The following CNBD1 variants were observed in gnomAD, a reference collection of about 807,000 sequenced individuals.
CNBD1 encodes cyclic nucleotide-binding domain-containing protein 1.
In CNBD1, 71 loss-of-function variants were observed where a neutral mutation model predicts 54.4. That is an observed-to-expected ratio of 1.30 (90% CI 1.08 to 1.59). The LOEUF is 1.59. CNBD1 is among the 40% of genes most tolerant of loss of function. The pLI is 0.00. For synonymous variants in CNBD1, 182 were observed against 170.7 expected, an observed-to-expected ratio of 1.07 and a Z score of -0.51; for missense variants, 659 against 518.0, an observed-to-expected ratio of 1.27 and a Z score of -2.64.
At chr8:87,384,425 GCA>G (rs1334606503), downstream of CNBD1, among the ~76,000 whole-genome samples, 1 of 151,960 alleles carries the variant, frequency 6.6e-6, no homozygotes, top group Non-Finnish European at 1.5e-5. Context: ...TATACTTCAG[GCA>G]GTGGTAAGTG....
At position 87,144,474 on chromosome 8, in the gene CNBD1, C is replaced by T. The variant is rs185324471; in HGVS notation, c.432-61519C>T. 1.9e-3 allele frequency among the ~76,000 whole-genome samples: 287 copies of T among 152,162 alleles called. 1 individual carries two copies. The highest frequency in any genetic ancestry group is 6.8e-3 in the Middle Eastern group (2 of 294). The stretch of plus-strand genomic sequence containing the variant: ...ATAAAGGGATAAAAATAAAATGGAA[C>T]TGATATAATTACAGGAAACAATCAA... On this transcript the variant is annotated intron_variant, in intron 4 of 10. Coordinates refer to ENST00000518476, the MANE Select transcript of CNBD1 (RefSeq NM_173538.3).
chr8:87,074,512 T>A (rs1160338976), intron 4 of CNBD1, among the ~76,000 whole-genome samples: 4 of 152,172 alleles, frequency 2.6e-5, no homozygotes, highest in Non-Finnish European at 5.9e-5. Flanking sequence ...CCTAAGCAAC[T>A]GCTCTGCTGA....
chr8:86,871,278 T>A (rs1290668810), intron 1 of CNBD1, among the ~76,000 whole-genome samples: 1 of 152,216 alleles, frequency 6.6e-6, no homozygotes, highest in East Asian at 1.9e-4. Context: ...TACTGCTCTA[T>A]CTGCCTATAT....
At chr8:86,884,139 G>C (rs1808644778) in intron 1 of CNBD1, among the ~76,000 whole-genome samples, 1 of 150,586 alleles carries the variant, frequency 6.6e-6, no homozygotes, top group Non-Finnish European at 1.5e-5. Context: ...GCGACAGAGC[G>C]AGACTCCGTC....
chr8:87,075,412 G>C (rs1198846516), intron 4 of CNBD1, among the ~76,000 whole-genome samples: 1 of 152,074 alleles, frequency 6.6e-6, no homozygotes, highest in African/African-American at 2.4e-5. Context: ...CCTTCCTTAG[G>C]AAACAAACTT....
chr8:87,021,687 T>C (rs1809491210), intron 4 of CNBD1, among the ~76,000 whole-genome samples: 1 of 152,178 alleles, frequency 6.6e-6, no homozygotes, highest in Non-Finnish European at 1.5e-5. Flanking sequence ...CAGATGCTGT[T>C]TTATACTTCA....
chr8:87,007,580 G>C (rs954391065), intron 4 of CNBD1, among the ~76,000 whole-genome samples: 1 of 151,800 alleles, frequency 6.6e-6, no homozygotes, highest in African/African-American at 2.4e-5. Flanking sequence ...CTATGTTACT[G>C]ATGGTATTTC....
intron 10 of CNBD1, among the ~76,000 whole-genome samples, chr8:87,362,477 G>A (rs1390679544): frequency 2.0e-5 from 3 of 152,050 alleles, no homozygotes; most frequent in Non-Finnish European, 1.5e-5. Context: ...GTTTAGAAAA[G>A]TTTGTTGGGC....
intron 2 of CNBD1, among the ~76,000 whole-genome samples, chr8:87,418,090 C>G (rs1190830966): frequency 6.6e-6 from 1 of 151,878 alleles, no homozygotes; most frequent in Non-Finnish European, 1.5e-5. Context: ...GGACCCAGAA[C>G]AGTCAACCAT....
chr8:87,221,802 AG>A (rs1814345355), intron 5 of CNBD1, among the ~76,000 whole-genome samples: 1 of 152,126 alleles, frequency 6.6e-6, no homozygotes, highest in East Asian at 1.9e-4. Flanking sequence ...CATCCCGTCC[AG>A]TTAGCTGTGT....
intron 8 of CNBD1, among the ~76,000 whole-genome samples, chr8:87,329,799 C>G (rs1392814034): frequency 6.6e-6 from 1 of 151,810 alleles, no homozygotes; most frequent in Non-Finnish European, 1.5e-5. Flanking sequence ...AAATTTTTCT[C>G]TATTCTTTTA....
Position 86,878,080 on chromosome 8 carries a change from C to CTGTGTGTGTG in CNBD1, c.89-9445_89-9436dup, listed in dbSNP as rs145093111. 6.0e-3 allele frequency among the ~76,000 whole-genome samples: 809 copies of CTGTGTGTGTG among 135,594 alleles called. 9 individuals are homozygous for CTGTGTGTGTG. The highest frequency in any genetic ancestry group is 0.041 in the East Asian group (186 of 4,542). The allele number at this position is 135,594 out of a possible 152,430, so 89.0% of individuals were successfully genotyped here. On this transcript the variant is annotated intron_variant, in intron 1 of 10. Transcript: ENST00000518476. ...TAATTTTGTTTTTCTTTCATCAAAG[C>CTGTGTGTGTG]TGTGTGTGTGTGTGTGTGTGTGTGT...
intron 4 of CNBD1, among the ~76,000 whole-genome samples, chr8:87,071,726 CT>C (rs1810762732): frequency 6.6e-6 from 1 of 151,962 alleles, no homozygotes; most frequent in Non-Finnish European, 1.5e-5. Flanking sequence ...TATTTTACTC[CT>C]GATTATGTGA....
chr8:87,246,199 C>T (rs142370082), intron 6 of CNBD1, among the ~76,000 whole-genome samples: 6 of 152,178 alleles, frequency 3.9e-5, no homozygotes, highest in African/African-American at 1.4e-4. Context: ...TTTACTCTGG[C>T]AAACCTGTTC....
At chr8:87,189,656 G>A (rs1261141404) in intron 4 of CNBD1, among the ~76,000 whole-genome samples, 1 of 152,126 alleles carries the variant, frequency 6.6e-6, no homozygotes, top group African/African-American at 2.4e-5. Context: ...AATTTTCAAT[G>A]GTGTATAGGA....
intron 8 of CNBD1, among the ~76,000 whole-genome samples, chr8:87,344,714 A>G (rs933317980): frequency 6.6e-6 from 1 of 152,116 alleles, no homozygotes; most frequent in African/African-American, 2.4e-5. Context: ...ATAACAAAAA[A>G]ATTACTCATA....
chr8:87,345,766 T>G (rs1810162363), intron 8 of CNBD1, among the ~76,000 whole-genome samples: 2 of 152,068 alleles, frequency 1.3e-5, no homozygotes, highest in South Asian at 2.1e-4. Flanking sequence ...AACATAAAAT[T>G]CCACCAAAAC....
At chr8:86,942,980 T>C (rs1807371233) in intron 4 of CNBD1, among the ~76,000 whole-genome samples, 1 of 152,166 alleles carries the variant, frequency 6.6e-6, no homozygotes, top group South Asian at 2.1e-4. Context: ...TTAAGTGATG[T>C]TATCTAATGA....
chr8:86,976,947 A>G (rs1808356410), intron 4 of CNBD1, among the ~76,000 whole-genome samples: 1 of 152,128 alleles, frequency 6.6e-6, no homozygotes, highest in Admixed American at 6.5e-5. Context: ...AGGATTATCA[A>G]TAAGATCATT....
Sources: allele counts gnomAD v4.1 joint callset (sites outside exome capture counted in the v4.1 genomes callset), GRCh38; gene constraint gnomAD v4.1.1; transcripts MANE v1.5; gene names NCBI Gene and HGNC (gene_info 2026-07-23, HGNC 2026-07-21).